CCDC33: variants seen among roughly 807,000 people sequenced by gnomAD.
CCDC33 encodes coiled-coil domain-containing protein 33.
Under a neutral mutation model 91.9 loss-of-function variants are expected in CCDC33, and 94 were observed. That is an observed-to-expected ratio of 1.02 (90% CI 0.87 to 1.21). The LOEUF is 1.21. Ranked by LOEUF, CCDC33 falls within the 50% of genes most tolerant of loss-of-function variation. The pLI is 0.00. For missense variants in CCDC33, 940 were observed against 935.5 expected, an observed-to-expected ratio of 1.00 and a Z score of -0.06; for synonymous variants, 396 against 374.5, an observed-to-expected ratio of 1.06 and a Z score of -0.66.
At chr15:74,242,402 G>A (rs1296185372) in intron 1 of CCDC33, among the ~76,000 whole-genome samples, 1 of 152,220 alleles carries the variant, frequency 6.6e-6, no homozygotes, top group Admixed American at 6.5e-5. Flanking sequence ...CCTTGCTCCT[G>A]TCTGGGCCTC....
At chr15:74,246,815 A>G (rs1261739501) in intron 2 of CCDC33, among the ~76,000 whole-genome samples, 3 of 152,344 alleles carry the variant, frequency 2.0e-5, no homozygotes, top group East Asian at 1.9e-4. Flanking sequence ...CAATCTCACT[A>G]CTGGGTATAT....
intron 11 of CCDC33, among the ~76,000 whole-genome samples, chr15:74,311,040 C>T (rs958839906): frequency 1.3e-5 from 2 of 148,968 alleles, no homozygotes; most frequent in Non-Finnish European, 3.0e-5. Flanking sequence ...GAGGCAGGAC[C>T]GTGATCTGCC....
At chr15:74,254,429 C>T (rs1476050975) in intron 2 of CCDC33, among the ~76,000 whole-genome samples, 2 of 152,224 alleles carry the variant, frequency 1.3e-5, no homozygotes, top group Non-Finnish European at 2.9e-5. Context: ...CAGTGAGGAT[C>T]TCTGGGCCCC....
Position 74,334,992 on chromosome 15 carries a change from A to G in CCDC33, c.2043A>G (p.Arg681=), listed in dbSNP as rs1240004129. 1 of 1,613,902 alleles carries G rather than the reference A, an allele frequency of 6.2e-7. No individual in the cohort carries two copies. Among genetic ancestry groups the G allele is most frequent in the African/African-American group, 1.3e-5 (1 of 74,848 alleles). ...GTCTGCAGTTAGAGGACTCAGCTCG[A>G]CGCTGGGGACGAGAGAAGCAGGATC... The part of the protein sequence containing the change: ...SLESQLEDSA[R]RWGREKQDLA... The change falls in exon 18 of 19, where the codon CGA becomes CGG. Residue 681 remains arginine, a synonymous_variant. Transcript: ENST00000398814.
chr15:74,293,175 C>G (rs1306734040), intron 10 of CCDC33, among the ~76,000 whole-genome samples: 1 of 152,122 alleles, frequency 6.6e-6, no homozygotes, highest in Admixed American at 6.5e-5. Flanking sequence ...GATGGGGGCA[C>G]CTCTGGAGAC....
At chr15:74,331,163 G>A in intron 14 of CCDC33, 40 bp from the exon 15 acceptor site, 1 of 1,613,930 alleles carries the variant, frequency 6.2e-7, no homozygotes, top group Non-Finnish European at 8.5e-7. Context: ...GGCAGAGTAG[G>A]GAGCCCCTGG....
At chr15:74,259,865 T>C (rs1295147013) in intron 2 of CCDC33, among the ~76,000 whole-genome samples, 1 of 152,198 alleles carries the variant, frequency 6.6e-6, no homozygotes, top group Non-Finnish European at 1.5e-5. Context: ...CACATGAAGA[T>C]CCCTGGGAAT....
intron 11 of CCDC33, among the ~76,000 whole-genome samples, chr15:74,307,855 C>T (rs1432533361): frequency 6.6e-6 from 1 of 152,174 alleles, no homozygotes; most frequent in Admixed American, 6.5e-5. Context: ...CACACTGGCC[C>T]CTGGCAGTAT....
At position 74,295,955 on chromosome 15, in the gene CCDC33, G is replaced by A. The variant is rs537657124; in HGVS notation, c.1290+7G>A. The A allele has an allele frequency of 1.2e-6, 2 of 1,607,446 alleles. No individual in the cohort carries two copies. Among genetic ancestry groups the A allele is most frequent in the African/African-American group, 1.3e-5 (1 of 74,822 alleles). ...TGAGATGTCCCATGACACAGTGAGTGTCTCTCCCCAGGTGGGAAGGGCCGG... is the reference window on the plus strand; with the variant it reads ...TGAGATGTCCCATGACACAGTGAGTATCTCTCCCCAGGTGGGAAGGGCCGG... On this transcript the variant is annotated splice_region_variant and intron_variant, in intron 11 of 18. Transcript: ENST00000398814.
At chr15:74,287,170 C>T (rs1344868264) in intron 10 of CCDC33, among the ~76,000 whole-genome samples, 1 of 152,220 alleles carries the variant, frequency 6.6e-6, no homozygotes, top group Non-Finnish European at 1.5e-5. Flanking sequence ...ATTTCTTCCC[C>T]AAGCACAGCG....
chr15:74,207,996 T>C (rs1469695145), intron 1 of CCDC33: 2 of 1,406,542 alleles, frequency 1.4e-6, no homozygotes, highest in African/African-American at 2.9e-5. Context: ...AGAAGCACCA[T>C]CTGATGTGCC....
At chr15:74,268,953 G>C (rs917588626) in intron 5 of CCDC33, among the ~76,000 whole-genome samples, 4 of 152,240 alleles carry the variant, frequency 2.6e-5, no homozygotes, top group African/African-American at 9.6e-5. Context: ...GGTTTGACTG[G>C]TCTGGCGATT....
intron 11 of CCDC33, among the ~76,000 whole-genome samples, chr15:74,326,334 G>T (rs2060309352): frequency 6.6e-6 from 1 of 152,204 alleles, no homozygotes. Context: ...TGGAAAACAA[G>T]AAAGCACTCA....
At chr15:74,210,266 G>A (rs1026039190) in intron 2 of CCDC33, among the ~76,000 whole-genome samples, 1 of 152,180 alleles carries the variant, frequency 6.6e-6, no homozygotes, top group Non-Finnish European at 1.5e-5. Context: ...GTTTGTAATG[G>A]CAAAAATAAT....
upstream of CCDC33, among the ~76,000 whole-genome samples, chr15:74,216,681 T>C (rs796386742): frequency 8.0e-5 from 11 of 137,118 alleles, no homozygotes; most frequent in African/African-American, 2.5e-4. Context: ...AAGGGCTTGC[T>C]CCCTGAGAAT....
exon 1 of CCDC33, chr15:74,217,358 G>A (rs1002097375): frequency 2.3e-6 from 3 of 1,290,022 alleles, no homozygotes; most frequent in Non-Finnish European, 3.0e-6. Context: ...TGGATCTGGA[G>A]TTCGAAGTTT....
upstream of CCDC33, among the ~76,000 whole-genome samples, chr15:74,232,918 G>A (rs531075984): frequency 2.0e-5 from 3 of 152,250 alleles, no homozygotes; most frequent in South Asian, 6.2e-4. Context: ...CAGCGCTTGA[G>A]CCTTCACACC....
In CCDC33 at chr15:74,236,547, T is replaced by G; in HGVS notation, c.-173T>G. 3.5e-6 allele frequency: 1 copy of G among 287,174 alleles called. No individual in the cohort carries two copies. Among genetic ancestry groups the G allele is most frequent in the Non-Finnish European group, 6.9e-6 (1 of 145,756 alleles). 17.8% of individuals were successfully genotyped at this position (287,174 alleles called of 1,614,324 possible). ...TCCCCCCACATCCAGGCCCCAGGGC[T>G]GGTGTGTGGCACCCCTGAGACCACA... On this transcript the variant is annotated 5_prime_UTR_variant, in exon 1 of 19. Coordinates refer to ENST00000398814, the MANE Select transcript of CCDC33 (RefSeq NM_025055.5).
At chr15:74,289,080 G>A (rs1012949023) in intron 10 of CCDC33, among the ~76,000 whole-genome samples, 7 of 152,250 alleles carry the variant, frequency 4.6e-5, no homozygotes, top group African/African-American at 1.7e-4. Context: ...GAGGGGAGTT[G>A]GTGGAGCCCT....
Sources: allele counts gnomAD v4.1 joint callset (sites outside exome capture counted in the v4.1 genomes callset), GRCh38; gene constraint gnomAD v4.1.1; transcripts MANE v1.5; gene names NCBI Gene and HGNC (gene_info 2026-07-23, HGNC 2026-07-21).